Variants in CEP350 observed in about 807,000 individuals in gnomAD.
CEP350 encodes the protein centrosomal protein 350.
A neutral mutation model predicts 331.8 loss-of-function variants in CEP350; 126 were observed. The ratio of observed to expected loss-of-function variants is 0.38; its 90% confidence interval spans 0.33 to 0.44. The LOEUF is 0.44. CEP350 is among the 20% of genes least tolerant of loss of function. The pLI is 1.00. For synonymous variants in CEP350, 1,200 were observed against 1,259.5 expected (o/e 0.95, Z 1.00); for missense variants, 3,406 against 3,634.6 (o/e 0.94, Z 1.62).
At chr1:180,098,709 A>G (rs1275439010) in intron 36 of CEP350, among the ~76,000 whole-genome samples, 154 bp from the exon 37 acceptor site, 2 of 152,192 alleles carry the variant, frequency 1.3e-5, no homozygotes, top group Non-Finnish European at 2.9e-5. Context: ...TTTCCCTTCA[A>G]ATTGCTATGT....
chr1:180,095,450 T>A, intron 34 of CEP350, 73 bp from the exon 35 acceptor site: 1 of 1,489,504 alleles, frequency 6.7e-7, no homozygotes, highest in Non-Finnish European at 9.0e-7. Context: ...ATGCATTTAC[T>A]CTGTCTTTTT....
chr1:179,955,198 C>T, intron 1 of CEP350, 56 bp downstream of exon 1: 10 of 1,264,118 alleles, frequency 7.9e-6, no homozygotes, highest in Non-Finnish European at 1.0e-5. Context: ...CCTCAACTGT[C>T]TCTGTCCGCG....
At chr1:180,080,948 C>T (rs930810994) in intron 30 of CEP350, among the ~76,000 whole-genome samples, 5 of 152,114 alleles carry the variant, frequency 3.3e-5, no homozygotes, top group East Asian at 1.9e-4. Context: ...CAACCTCCGC[C>T]TCCCAGGGTC....
At chr1:179,982,486 G>T (rs1201266542) in intron 1 of CEP350, among the ~76,000 whole-genome samples, 2 of 151,892 alleles carry the variant, frequency 1.3e-5, no homozygotes, top group African/African-American at 2.4e-5. Flanking sequence ...CCATTAATAG[G>T]GTATTTATTT....
At chr1:180,015,012 TAAGG>T (rs922196520) in intron 10 of CEP350, among the ~76,000 whole-genome samples, 9 of 152,126 alleles carry the variant, frequency 5.9e-5, no homozygotes, top group African/African-American at 1.4e-4. Context: ...AAGAAAATCA[TAAGG>T]AAGAGAAAAT....
intron 6 of CEP350, among the ~76,000 whole-genome samples, chr1:179,999,907 G>C (rs1301151687): frequency 1.3e-5 from 2 of 152,068 alleles, no homozygotes; most frequent in African/African-American, 4.8e-5. Flanking sequence ...GAACACAAAT[G>C]GTGTTTATAT....
At chr1:180,022,062 T>C (rs1462435067) in intron 12 of CEP350, among the ~76,000 whole-genome samples, 1 of 152,236 alleles carries the variant, frequency 6.6e-6, no homozygotes, top group Admixed American at 6.5e-5. Context: ...GTTCCTCTTA[T>C]GCTCAACTGG....
intron 11 of CEP350, among the ~76,000 whole-genome samples, chr1:180,018,068 C>T (rs1431990386): frequency 1.3e-5 from 2 of 152,130 alleles, no homozygotes; most frequent in Admixed American, 6.5e-5. Context: ...TGCAGTGGCA[C>T]GATCATAGCT....
chr1:180,004,364 C>T (rs773391370), intron 7 of CEP350, among the ~76,000 whole-genome samples: 17 of 152,238 alleles, frequency 1.1e-4, no homozygotes, highest in Middle Eastern at 3.4e-3. Flanking sequence ...TTTGCTCTGA[C>T]GTATTTAAGG....
chr1:180,075,570 T>A (rs988336831), intron 28 of CEP350, among the ~76,000 whole-genome samples: 3 of 151,542 alleles, frequency 2.0e-5, no homozygotes, highest in Non-Finnish European at 4.4e-5. Flanking sequence ...ACTCTGTCTC[T>A]AAAAATAAAA....
At chr1:180,103,878 T>G (rs576228907) in intron 37 of CEP350, among the ~76,000 whole-genome samples, 1 of 150,626 alleles carries the variant, frequency 6.6e-6, no homozygotes. Context: ...CCCTCCTTTC[T>G]TAGAATTTCT....
At chr1:180,101,362 C>T (rs546310158) in intron 37 of CEP350, among the ~76,000 whole-genome samples, 6 of 152,162 alleles carry the variant, frequency 3.9e-5, no homozygotes, top group African/African-American at 1.4e-4. Flanking sequence ...GAACTAGTCT[C>T]CTCTCCCATA....
intron 27 of CEP350, among the ~76,000 whole-genome samples, chr1:180,068,571 A>G (rs1658686112): frequency 6.6e-6 from 1 of 152,170 alleles, no homozygotes; most frequent in Admixed American, 6.5e-5. Context: ...AAAAAACACC[A>G]TGCAATTGAC....
chr1:179,962,727 A>T (rs1206398573), intron 1 of CEP350, among the ~76,000 whole-genome samples: 1 of 152,142 alleles, frequency 6.6e-6, no homozygotes, highest in African/African-American at 2.4e-5. Flanking sequence ...TACTGTTGAT[A>T]GGTACTTAGT....
rs1203657009 is a variant in CEP350, at chr1:180,004,864, A to AGGCTGGCTGGCT, written c.1132+1578_1133-1578dup. ...CTCAGTCCTCAGAGCTTGGGCAGGCAGGCTGGCTGGCTTGCTTGCTTGCTT... is the reference window on the plus strand; with the variant it reads ...CTCAGTCCTCAGAGCTTGGGCAGGCAGGCTGGCTGGCTGGCTGGCTGGCTTGCTTGCTTGCTT... On this transcript the variant is annotated intron_variant, in intron 7 of 37. Transcript: ENST00000367607. 4.7e-4 allele frequency among the ~76,000 whole-genome samples: 67 copies of AGGCTGGCTGGCT among 143,636 alleles called. 1 individual carries two copies. Among genetic ancestry groups the AGGCTGGCTGGCT allele is most frequent in the African/African-American group, 1.3e-3 (49 of 37,080 alleles). The allele number at this position is 143,636 out of a possible 152,430, so 94.2% of individuals were successfully genotyped here. A position where few individuals can be genotyped will look rare whatever the true frequency, so the allele number is the denominator to read the frequency against.
chr1:179,990,655 T>C (rs1335260756), intron 4 of CEP350, 34 bp downstream of exon 4: 3 of 1,138,458 alleles, frequency 2.6e-6, no homozygotes, highest in Non-Finnish European at 3.8e-6. Flanking sequence ...TATATACATA[T>C]ATTAAATATA....
chr1:179,989,090 G>C (rs1013488963), intron 3 of CEP350, among the ~76,000 whole-genome samples: 1 of 152,024 alleles, frequency 6.6e-6, no homozygotes, highest in South Asian at 2.1e-4. Context: ...AAGTAGGGGA[G>C]ACAATCTGAT....
intron 5 of CEP350, among the ~76,000 whole-genome samples, chr1:179,993,493 G>A (rs1653241247): frequency 6.6e-6 from 1 of 152,130 alleles, no homozygotes; most frequent in Non-Finnish European, 1.5e-5. Flanking sequence ...CATAATCATG[G>A]CTCACTGCAA....
intron 1 of CEP350, among the ~76,000 whole-genome samples, chr1:179,977,754 T>C (rs954318958): frequency 1.3e-5 from 2 of 152,168 alleles, no homozygotes; most frequent in Non-Finnish European, 2.9e-5. Context: ...TCTTCAGTTA[T>C]AACCTTAGTT....
Sources: allele counts gnomAD v4.1 joint callset (sites outside exome capture counted in the v4.1 genomes callset), GRCh38; gene constraint gnomAD v4.1.1; transcripts MANE v1.5; gene names NCBI Gene and HGNC (gene_info 2026-07-23, HGNC 2026-07-21).